RNF170: variants seen among roughly 807,000 people sequenced by gnomAD.
The protein encoded by RNF170 is E3 ubiquitin-protein ligase RNF170.
In RNF170, 12 loss-of-function variants were observed where a neutral mutation model predicts 32.7. The observed-to-expected ratio is 0.37, with a 90% CI of 0.24 to 0.60. RNF170 has a LOEUF of 0.60. Among genes scored for constraint, RNF170 ranks in the 20% least tolerant of loss-of-function variants. RNF170 has a pLI of 0.72. For missense variants in RNF170, 212 were observed against 311.2 expected (o/e 0.68, Z 2.40); for synonymous variants, 91 against 103.6 (o/e 0.88, Z 0.74).
At chr8:42,865,532 A>G in intron 4 of RNF170, 43 bp from the exon 5 acceptor site, 1 of 1,379,348 alleles carries the variant, frequency 7.2e-7, no homozygotes, top group Non-Finnish European at 1.0e-6. Context: ...ATTAATATTG[A>G]TGTTTTAAAG....
At chr8:42,893,451 G>A (rs1806483886) in intron 1 of RNF170, among the ~76,000 whole-genome samples, 1 of 152,188 alleles carries the variant, frequency 6.6e-6, no homozygotes, top group Non-Finnish European at 1.5e-5. Context: ...ACAAGCACAA[G>A]TTCCAGAGTC....
chr8:42,853,745 T>C lies in RNF170; in HGVS notation c.*2414A>G. Reference sequence around the variant, plus strand: ...TCTCAGATCCCTTCTGCATTTATCATCAGAGATCGGTAAAGATGACAACAA... The same window carrying C: ...TCTCAGATCCCTTCTGCATTTATCACCAGAGATCGGTAAAGATGACAACAA... On this transcript the variant is annotated 3_prime_UTR_variant, in exon 7 of 7. Coordinates refer to ENST00000527424, the MANE Select transcript of RNF170 (RefSeq NM_030954.4). 1.6e-6 allele frequency: 2 copies of C among 1,287,182 alleles called. No homozygotes were observed. Among genetic ancestry groups the C allele is most frequent in the South Asian group, 1.2e-5 (1 of 80,938 alleles). The allele number at this position is 1,287,182 out of a possible 1,614,324, so 79.7% of individuals were successfully genotyped here. A position where few individuals can be genotyped will look rare whatever the true frequency, so the allele number is the denominator to read the frequency against.
chr8:42,892,679 T>TG (rs1806408130), intron 1 of RNF170, among the ~76,000 whole-genome samples: 1 of 151,784 alleles, frequency 6.6e-6, no homozygotes, highest in Admixed American at 6.6e-5. Context: ...GCAGCGTTTT[T>TG]TTTTTTTTTT....
chr8:42,896,149 T>C, intron 1 of RNF170: 1 of 214,978 alleles, frequency 4.7e-6, no homozygotes, highest in South Asian at 5.1e-5. Flanking sequence ...TCCTTACGGA[T>C]TGGCGAGCGG....
chr8:42,892,941 C>T (rs1344287910), intron 1 of RNF170, among the ~76,000 whole-genome samples: 2 of 152,058 alleles, frequency 1.3e-5, no homozygotes, highest in East Asian at 1.9e-4. Flanking sequence ...GAGCCAAGAT[C>T]GCACCACTGC....
chr8:42,890,940 A>G (rs1586560291), intron 1 of RNF170, among the ~76,000 whole-genome samples: 1 of 152,230 alleles, frequency 6.6e-6, no homozygotes, highest in Non-Finnish European at 1.5e-5. Context: ...GGTCTGATTT[A>G]TAACTCCAGA....
intron 2 of RNF170, among the ~76,000 whole-genome samples, chr8:42,883,019 T>A (rs770009950): frequency 4.6e-5 from 7 of 151,606 alleles, no homozygotes; most frequent in Non-Finnish European, 1.0e-4. Context: ...GACAAGATGG[T>A]GCCACTGCAC....
chr8:42,893,098 T>C (rs1258355564), intron 1 of RNF170, among the ~76,000 whole-genome samples: 1 of 152,160 alleles, frequency 6.6e-6, no homozygotes, highest in Non-Finnish European at 1.5e-5. Flanking sequence ...TAAAAATACA[T>C]TTTTAAAGAA....
chr8:42,855,709 A>G lies in RNF170; in HGVS notation c.*450T>C, dbSNP rs1198576448. On this transcript the variant is annotated 3_prime_UTR_variant, in exon 7 of 7. Coordinates refer to ENST00000527424, the MANE Select transcript of RNF170 (RefSeq NM_030954.4). ...AAAGAAATACTGAATTTTCCCCAAT[A>G]GTATATAATATTTTATTGGAACAAA... 7.9e-7 allele frequency: 1 copy of G among 1,268,120 alleles called. No individual in the cohort carries two copies. Among genetic ancestry groups the G allele is most frequent in the East Asian group, 5.6e-5 (1 of 17,968 alleles). 78.6% of individuals were successfully genotyped at this position (1,268,120 alleles called of 1,614,324 possible). A position where few individuals can be genotyped will look rare whatever the true frequency, so the allele number is the denominator to read the frequency against.
intron 2 of RNF170, among the ~76,000 whole-genome samples, chr8:42,885,447 T>C (rs1215355441): frequency 6.6e-6 from 1 of 152,232 alleles, no homozygotes; most frequent in Non-Finnish European, 1.5e-5. Flanking sequence ...CTGGATCATA[T>C]GGTAGTCCAT....
At chr8:42,895,633 CCCAA>C (rs764038484) in intron 1 of RNF170, among the ~76,000 whole-genome samples, 21 of 152,162 alleles carry the variant, frequency 1.4e-4, no homozygotes, top group Non-Finnish European at 2.5e-4. Flanking sequence ...GAACAAAATG[CCCAA>C]CCAGAGTAGA....
At chr8:42,895,250 G>A (rs1416832016) in intron 1 of RNF170, among the ~76,000 whole-genome samples, 1 of 152,124 alleles carries the variant, frequency 6.6e-6, no homozygotes, top group Non-Finnish European at 1.5e-5. Context: ...AGGAGGCAGA[G>A]GTTGCAGTGA....
At chr8:42,890,933 C>A (rs1464798441) in intron 1 of RNF170, among the ~76,000 whole-genome samples, 1 of 152,156 alleles carries the variant, frequency 6.6e-6, no homozygotes, top group Non-Finnish European at 1.5e-5. Flanking sequence ...AGAGGCTGGT[C>A]TGATTTATAA....
At chr8:42,871,876 T>C (rs901067634) in intron 3 of RNF170, among the ~76,000 whole-genome samples, 2 of 152,176 alleles carry the variant, frequency 1.3e-5, no homozygotes, top group Non-Finnish European at 2.9e-5. Flanking sequence ...TATTAATTTT[T>C]AAAGAAATTG....
intron 4 of RNF170, 56 bp downstream of exon 4, chr8:42,869,948 C>A: frequency 8.0e-7 from 1 of 1,243,744 alleles, no homozygotes; most frequent in East Asian, 2.3e-5. Context: ...CCTTTGTACA[C>A]ATAGAGGTCT....
chr8:42,862,637 G>A (rs1332365476), intron 5 of RNF170, among the ~76,000 whole-genome samples: 1 of 152,186 alleles, frequency 6.6e-6, no homozygotes, highest in Non-Finnish European at 1.5e-5. Flanking sequence ...CAGTTCAGCT[G>A]TAAAACCAAG....
intron 6 of RNF170, among the ~76,000 whole-genome samples, chr8:42,859,005 A>C (rs964707704): frequency 6.6e-6 from 1 of 152,186 alleles, no homozygotes; most frequent in Non-Finnish European, 1.5e-5. Context: ...CAACATGGCG[A>C]AACCCCATCT....
intron 6 of RNF170, among the ~76,000 whole-genome samples, chr8:42,861,146 GAAGT>G (rs1336047787): frequency 2.0e-5 from 3 of 152,186 alleles, no homozygotes; most frequent in Non-Finnish European, 4.4e-5. Context: ...GTATCACAAA[GAAGT>G]AAATAATTTT....
At chr8:42,876,396 A>G (rs932896922) in intron 2 of RNF170, among the ~76,000 whole-genome samples, 1 of 151,800 alleles carries the variant, frequency 6.6e-6, no homozygotes, top group Non-Finnish European at 1.5e-5. Context: ...TTTGGGAGGT[A>G]ATTAGGTCAT....
Sources: gnomAD v4.1 joint callset for allele counts (sites outside exome capture counted in the v4.1 genomes callset) on GRCh38, gnomAD v4.1.1 for gene constraint, MANE v1.5 for transcripts, NCBI Gene and HGNC (gene_info 2026-07-23, HGNC 2026-07-21) for gene names.